GRID2: variants seen among roughly 807,000 people sequenced by gnomAD.
GRID2 encodes glutamate receptor ionotropic, delta-2.
In GRID2, 33 loss-of-function variants were observed where a neutral mutation model predicts 114.8. The observed-to-expected ratio is 0.29, with a 90% confidence interval of 0.22 to 0.38. GRID2 has a LOEUF of 0.38. Among genes scored for constraint, GRID2 ranks in the 10% least tolerant of loss-of-function variants. The pLI, the probability that GRID2 is intolerant of heterozygous loss-of-function variation, is 1.00. For synonymous variants in GRID2, 505 were observed against 449.9 expected (o/e 1.12, Z -1.55); for missense variants, 1,184 against 1,257.7 (o/e 0.94, Z 0.89).
chr4:92,975,979 C>T (rs1184104664), intron 2 of GRID2, among the ~76,000 whole-genome samples: 1 of 152,004 alleles, frequency 6.6e-6, no homozygotes, highest in Admixed American at 6.6e-5. Context: ...TTGTTGTACT[C>T]ATTGAACTGC....
intron 14 of GRID2, among the ~76,000 whole-genome samples, chr4:93,686,094 T>C (rs1726052199): frequency 6.6e-6 from 1 of 152,024 alleles, no homozygotes; most frequent in African/African-American, 2.4e-5. Context: ...ATAGAAACTA[T>C]CTAAAAATGA....
chr4:92,790,399 GA>G (rs974285052), intron 2 of GRID2, among the ~76,000 whole-genome samples: 11 of 151,446 alleles, frequency 7.3e-5, no homozygotes, highest in Admixed American at 2.0e-4. Flanking sequence ...TTCAACATTA[GA>G]AAAAAATGTG....
chr4:92,584,361 A>G (rs1461727039), intron 1 of GRID2, among the ~76,000 whole-genome samples: 2 of 151,970 alleles, frequency 1.3e-5, no homozygotes, highest in African/African-American at 4.8e-5. Flanking sequence ...TGTATGCAAA[A>G]TGCATTGTCA....
chr4:93,615,409 T>C (rs1260408277), intron 13 of GRID2, among the ~76,000 whole-genome samples: 1 of 152,176 alleles, frequency 6.6e-6, no homozygotes, highest in Non-Finnish European at 1.5e-5. Flanking sequence ...GTGAAATTGG[T>C]GCTAGATTCT....
At chr4:92,860,470 T>C (rs1038358697) in intron 2 of GRID2, among the ~76,000 whole-genome samples, 3 of 152,164 alleles carry the variant, frequency 2.0e-5, no homozygotes, top group Non-Finnish European at 4.4e-5. Context: ...AGAGTTTTGC[T>C]ATTACAATGA....
At chr4:92,676,918 A>G (rs1733403600) in intron 2 of GRID2, among the ~76,000 whole-genome samples, 1 of 152,210 alleles carries the variant, frequency 6.6e-6, no homozygotes, top group Non-Finnish European at 1.5e-5. Context: ...TGCTATATGC[A>G]TATAATGCAA....
At chr4:92,792,503 A>T (rs967405904) in intron 2 of GRID2, among the ~76,000 whole-genome samples, 8 of 135,942 alleles carry the variant, frequency 5.9e-5, no homozygotes, top group East Asian at 2.3e-4. Context: ...ACACACACAC[A>T]CTGTCACTCT....
At chr4:92,981,873 A>G (rs941053906) in intron 2 of GRID2, among the ~76,000 whole-genome samples, 1 of 152,078 alleles carries the variant, frequency 6.6e-6, no homozygotes, top group East Asian at 1.9e-4. Flanking sequence ...ACGCACATCT[A>G]TGCAGATCAA....
At chr4:93,572,093 A>G (rs538167747) in intron 13 of GRID2, among the ~76,000 whole-genome samples, 1 of 152,306 alleles carries the variant, frequency 6.6e-6, no homozygotes, top group South Asian at 2.1e-4. Context: ...ATTGCTTGAA[A>G]GATCATCTAA....
intron 1 of GRID2, among the ~76,000 whole-genome samples, chr4:92,344,184 G>A (rs530601200): frequency 1.1e-3 from 172 of 152,200 alleles, no homozygotes; most frequent in Non-Finnish European, 1.8e-3. Flanking sequence ...GAAGCCAGGC[G>A]ACTGAGCTGA....
intron 1 of GRID2, among the ~76,000 whole-genome samples, chr4:92,384,535 AATATAAT>A (rs1356417314): frequency 8.3e-5 from 4 of 48,242 alleles, no homozygotes; most frequent in Non-Finnish European, 1.5e-4. Context: ...TATAATATAT[AATATAAT>A]ATATAATATA....
chr4:93,219,627 T>G (rs917617601), intron 6 of GRID2, among the ~76,000 whole-genome samples: 1 of 152,194 alleles, frequency 6.6e-6, no homozygotes, highest in Non-Finnish European at 1.5e-5. Context: ...CACAAATTTT[T>G]TAATTAGTGT....
At chr4:93,803,860 A>G (rs1332131886) in intron 1 of GRID2, among the ~76,000 whole-genome samples, 1 of 152,248 alleles carries the variant, frequency 6.6e-6, no homozygotes, top group Non-Finnish European at 1.5e-5. Context: ...GCAACAATTG[A>G]AAAAGCAGAC....
intron 5 of GRID2, among the ~76,000 whole-genome samples, chr4:93,209,532 A>G (rs562249915): frequency 3.9e-5 from 6 of 152,102 alleles, no homozygotes; most frequent in Non-Finnish European, 8.8e-5. Flanking sequence ...TGTCATTCCT[A>G]TTGTGAATAG....
chr4:92,399,516 C>T (rs1381228434), intron 1 of GRID2, among the ~76,000 whole-genome samples: 4 of 151,992 alleles, frequency 2.6e-5, no homozygotes, highest in Non-Finnish European at 4.4e-5. Flanking sequence ...TATTCTTATT[C>T]GCTGACAAAT....
intron 10 of GRID2, among the ~76,000 whole-genome samples, chr4:93,430,918 A>G (rs1769349837): frequency 6.6e-6 from 1 of 152,340 alleles, no homozygotes; most frequent in South Asian, 2.1e-4. Flanking sequence ...GTAAAGGTAG[A>G]AAGGTTAGAA....
intron 2 of GRID2, among the ~76,000 whole-genome samples, chr4:92,913,862 C>G (rs1352167288): frequency 1.3e-5 from 2 of 151,960 alleles, no homozygotes; most frequent in Non-Finnish European, 2.9e-5. Context: ...TCTTCCCTCA[C>G]AAAAAATGAC....
chr4:93,123,331 G>A (rs1733968058), intron 4 of GRID2, among the ~76,000 whole-genome samples: 1 of 151,912 alleles, frequency 6.6e-6, no homozygotes. Flanking sequence ...AATAATTGTG[G>A]AAAAACAAGA....
intron 8 of GRID2, among the ~76,000 whole-genome samples, chr4:93,369,828 G>A (rs6834311): frequency 0.44 from 66,761 of 151,948 alleles, 15,612 homozygotes; most frequent in East Asian, 0.7. Flanking sequence ...ATATACACAG[G>A]GCCATCTCTT....
Sources: gnomAD v4.1 joint callset for allele counts (sites outside exome capture counted in the v4.1 genomes callset) on GRCh38, gnomAD v4.1.1 for gene constraint, MANE v1.5 for transcripts, NCBI Gene and HGNC (gene_info 2026-07-23, HGNC 2026-07-21) for gene names.